ELOVL2: variants seen among roughly 807,000 people sequenced by gnomAD.
The protein encoded by ELOVL2 is ELOVL fatty acid elongase 2.
In ELOVL2, 38 loss-of-function variants were observed where a neutral mutation model predicts 37.7. The observed-to-expected ratio is 1.01, with a 90% CI of 0.78 to 1.32. The LOEUF (loss-of-function observed/expected upper bound fraction) is 1.32, where lower values mean the gene tolerates loss of function less well. ELOVL2 is among the 40% of genes most tolerant of loss of function. The pLI, the probability that ELOVL2 is intolerant of heterozygous loss-of-function variation, is 0.00. For synonymous variants in ELOVL2, 115 were observed against 122.3 expected (o/e 0.94, Z 0.40); for missense variants, 352 against 363.6 (o/e 0.97, Z 0.26).
chr6:11,020,475 A>G (rs1453280673), intron 1 of ELOVL2, among the ~76,000 whole-genome samples: 7 of 152,360 alleles, frequency 4.6e-5, no homozygotes, highest in African/African-American at 1.4e-4. Context: ...GAATCCGACT[A>G]TCTTCAAAAC....
chr6:11,044,189 AGCGCGGCGGTGTCGGTGGCGGC>A lies in ELOVL2; in HGVS notation c.3+17_3+38del. 1.4e-6 allele frequency: 2 copies of A among 1,450,414 alleles called. No individual in the cohort carries two copies. Among genetic ancestry groups the A allele is most frequent in the Non-Finnish European group, 1.8e-6 (2 of 1,099,502 alleles). The allele number at this position is 1,450,414 out of a possible 1,614,324, so 89.8% of individuals were successfully genotyped here. On this transcript the variant is annotated intron_variant, in intron 1 of 7. Coordinates refer to ENST00000354666, the MANE Select transcript of ELOVL2 (RefSeq NM_017770.4). The surrounding 1 kb of genome is among the most constrained non-coding windows in gnomAD (Gnocchi z 5.6). ...GTGCGTGGGTCCAGGAGAGAAAGAA[AGCGCGGCGGTGTCGGTGGCGGC>A]GCGCGGCCCCACTCACCATGATCCG...
intron 2 of ELOVL2, 72 bp from the exon 3 acceptor site, chr6:11,005,631 C>G (rs1782469022): frequency 3.0e-6 from 4 of 1,316,352 alleles, no homozygotes; most frequent in African/African-American, 1.5e-5. Context: ...TTGTCACATA[C>G]ATTGCATTTG....
chr6:11,037,570 T>C (rs1783030498), intron 1 of ELOVL2, among the ~76,000 whole-genome samples: 1 of 151,818 alleles, frequency 6.6e-6, no homozygotes, highest in Non-Finnish European at 1.5e-5. Flanking sequence ...ATGGCCTTAC[T>C]TCTCTTGAAA....
chr6:11,028,394 C>T (rs1017930231), intron 1 of ELOVL2, among the ~76,000 whole-genome samples: 4 of 152,138 alleles, frequency 2.6e-5, no homozygotes, highest in African/African-American at 7.2e-5. Flanking sequence ...TTTGACTAGA[C>T]GCAGGTGTGG....
At chr6:11,006,483 T>C (rs1204036782) in intron 2 of ELOVL2, among the ~76,000 whole-genome samples, 1 of 152,236 alleles carries the variant, frequency 6.6e-6, no homozygotes, top group South Asian at 2.1e-4. Flanking sequence ...ATTATAAAAA[T>C]TGCATGCTGC....
At position 11,034,133 on chromosome 6, in the gene ELOVL2, G is replaced by A. The variant is rs997915481; in HGVS notation, c.3+10095C>T. Reference sequence around the variant, plus strand: ...GCAATATGAAAATAAGTGGAAAGAAGTGACATATTAGTTCAGCCCCTTTAT... The same window carrying A: ...GCAATATGAAAATAAGTGGAAAGAAATGACATATTAGTTCAGCCCCTTTAT... On this transcript the variant is annotated intron_variant, in intron 1 of 7. Transcript: ENST00000354666. 5.9e-5 allele frequency among the ~76,000 whole-genome samples: 9 copies of A among 152,146 alleles called. No homozygotes were observed. The South Asian group carries it at 1.4e-3, about 24-fold the overall frequency.
intron 7 of ELOVL2, among the ~76,000 whole-genome samples, chr6:10,984,829 A>G (rs1037730662): frequency 2.6e-5 from 4 of 152,062 alleles, no homozygotes; most frequent in Non-Finnish European, 5.9e-5. Flanking sequence ...ATACGTGTGC[A>G]TGTGTCTTTA....
chr6:10,992,650 G>A (rs797006425), intron 5 of ELOVL2, among the ~76,000 whole-genome samples: 10 of 151,644 alleles, frequency 6.6e-5, no homozygotes, highest in African/African-American at 1.5e-4. Context: ...TTAGCTGGGC[G>A]TAGTGGCGCA....
chr6:11,033,940 C>T (rs981216847), intron 1 of ELOVL2, among the ~76,000 whole-genome samples: 10 of 152,162 alleles, frequency 6.6e-5, no homozygotes, highest in African/African-American at 2.4e-4. Context: ...CTGTGGGTAG[C>T]AGCCACCAGT....
rs1219471120 is a variant in ELOVL2, at chr6:10,983,004, C to CA, written c.*776dup. 2.0e-5 allele frequency: 3 copies of CA among 152,290 alleles called. No homozygotes were observed. The highest frequency in any genetic ancestry group is 2.0e-4 in the Admixed American group (3 of 15,292). The allele number at this position is 152,290 out of a possible 1,614,324, so 9.4% of individuals were successfully genotyped here. ...ACACTGCTCGTGGTGTGGAGCATGG[C>CA]ATCTGTATAACCTAGGCTGACTGGC... On this transcript the variant is annotated 3_prime_UTR_variant, in exon 8 of 8. Coordinates refer to ENST00000354666, the MANE Select transcript of ELOVL2 (RefSeq NM_017770.4).
intron 2 of ELOVL2, among the ~76,000 whole-genome samples, chr6:11,008,826 T>C (rs1782523290): frequency 6.6e-6 from 1 of 152,178 alleles, no homozygotes; most frequent in African/African-American, 2.4e-5. Context: ...TAAAACTATA[T>C]AGTCATGCAT....
intron 5 of ELOVL2, among the ~76,000 whole-genome samples, chr6:10,992,836 A>G (rs1201937538): frequency 6.6e-6 from 1 of 152,100 alleles, no homozygotes; most frequent in African/African-American, 2.4e-5. Flanking sequence ...TAAAAAATAT[A>G]TACAGTACAT....
At chr6:10,998,981 C>G (rs1179779329) in intron 4 of ELOVL2, among the ~76,000 whole-genome samples, 1 of 151,826 alleles carries the variant, frequency 6.6e-6, no homozygotes, top group East Asian at 1.9e-4. Flanking sequence ...ATCGAAGTGC[C>G]TACAGATATT....
At chr6:11,023,282 TTCTG>T in intron 1 of ELOVL2, among the ~76,000 whole-genome samples, 1 of 152,144 alleles carries the variant, frequency 6.6e-6, no homozygotes, top group East Asian at 1.9e-4. Context: ...TGAAAGGAGA[TTCTG>T]TCTGTGTGTG....
intron 4 of ELOVL2, 152 bp downstream of exon 4, chr6:10,999,935 G>T: frequency 1.5e-6 from 1 of 685,758 alleles, no homozygotes; most frequent in Non-Finnish European, 2.5e-6. Flanking sequence ...AGGGATAGTT[G>T]GAAATCATCT....
intron 1 of ELOVL2, chr6:11,043,740 C>G (rs1783152851): frequency 6.4e-6 from 1 of 155,112 alleles, no homozygotes; most frequent in African/African-American, 2.4e-5. Context: ...AGGGCCCGAA[C>G]CCCAGAACTC....
chr6:11,023,620 A>G (rs539998132), intron 1 of ELOVL2, among the ~76,000 whole-genome samples: 86 of 152,196 alleles, frequency 5.7e-4, no homozygotes, highest in Non-Finnish European at 8.7e-4. Context: ...TTAAGCTATA[A>G]AACCAACCAA....
chr6:11,014,276 C>T (rs1409829065), intron 1 of ELOVL2, among the ~76,000 whole-genome samples: 1 of 152,074 alleles, frequency 6.6e-6, no homozygotes, highest in African/African-American at 2.4e-5. Flanking sequence ...AAGAGGAGTT[C>T]GAAACCGGTT....
intron 1 of ELOVL2, chr6:11,016,014 G>T (rs1782678984): frequency 6.6e-6 from 1 of 152,192 alleles, no homozygotes; most frequent in South Asian, 2.1e-4. Context: ...AGCTGAGGCA[G>T]GAAGCAAGGC....
Sources: gnomAD v4.1 joint callset for allele counts (sites outside exome capture counted in the v4.1 genomes callset) on GRCh38, gnomAD v4.1.1 for gene constraint, Gnocchi (gnomAD v3.1) non-coding constraint, MANE v1.5 for transcripts, NCBI Gene and HGNC (gene_info 2026-07-23, HGNC 2026-07-21) for gene names.